Variants in ELOVL2 observed in about 807,000 individuals in gnomAD.
The protein encoded by ELOVL2 is ELOVL fatty acid elongase 2, also known as very long chain fatty acid elongase 2.
A neutral mutation model predicts 37.7 loss-of-function variants in ELOVL2; 38 were observed. The ratio of observed to expected loss-of-function variants is 1.01; its 90% CI spans 0.78 to 1.32. The LOEUF is 1.32. ELOVL2 is among the 40% of genes most tolerant of loss of function. The pLI is 0.00. For missense variants in ELOVL2, 352 were observed against 363.6 expected (o/e 0.97, Z 0.26); for synonymous variants, 115 against 122.3 (o/e 0.94, Z 0.40).
At chr6:11,042,966 G>C (rs995059671) in intron 1 of ELOVL2, among the ~76,000 whole-genome samples, 1 of 152,174 alleles carries the variant, frequency 6.6e-6, no homozygotes, top group Non-Finnish European at 1.5e-5. Context: ...TTCTGGTAGA[G>C]GAGACGTTCA....
At chr6:10,993,840 G>A (rs1361932755) in intron 5 of ELOVL2, among the ~76,000 whole-genome samples, 4 of 145,198 alleles carry the variant, frequency 2.8e-5, no homozygotes, top group Admixed American at 7.0e-5. Context: ...ACAAGTGCAC[G>A]TCACCACGCC....
In ELOVL2 at chr6:11,011,160, C is replaced by T. The variant is rs193183321; in HGVS notation, c.4-351G>A. Among the ~76,000 whole-genome samples the T allele has an allele frequency of 0.017, 2,644 of 152,028 alleles. 139 individuals are homozygous for T. In the East Asian group the frequency reaches 0.19, roughly 11 times the overall value. On this transcript the variant is annotated intron_variant, in intron 1 of 7. Transcript: ENST00000354666. ...CAGGCGGATCACGAGGTCAGGAGAT[C>T]GAGACCATCCTGGCTAACATGGTGA...
intron 4 of ELOVL2, among the ~76,000 whole-genome samples, chr6:10,998,414 A>C (rs1348646381): frequency 6.6e-6 from 1 of 152,238 alleles, no homozygotes; most frequent in Non-Finnish European, 1.5e-5. Context: ...ATGAAAGGCA[A>C]GATAAATGTT....
intron 7 of ELOVL2, among the ~76,000 whole-genome samples, chr6:10,985,687 G>C (rs547186892): frequency 6.6e-6 from 1 of 151,758 alleles, no homozygotes; most frequent in African/African-American, 2.4e-5. Context: ...TGAGGGCTCT[G>C]TTCTGTTCCA....
chr6:11,006,724 T>C (rs1225653775), intron 2 of ELOVL2, among the ~76,000 whole-genome samples: 1 of 152,204 alleles, frequency 6.6e-6, no homozygotes, highest in East Asian at 1.9e-4. Flanking sequence ...GTGATAGAGA[T>C]AAAAAGGTTA....
In ELOVL2 at chr6:10,982,478, A is replaced by G. The variant is rs1422211458; in HGVS notation, c.*1303T>C. On this transcript the variant is annotated 3_prime_UTR_variant, in exon 8 of 8. Transcript: ENST00000354666. ...ACAAGTTTTATTTTATAGGGTATAA[A>G]TTAATCTTCAAAAAAATCTTCAGAA... The G allele has an allele frequency of 6.6e-6, 1 of 152,208 alleles. No individual in the cohort carries two copies. The highest frequency in any genetic ancestry group is 2.4e-5 in the African/African-American group (1 of 41,448). The allele number at this position is 152,208 out of a possible 1,614,324, so 9.4% of individuals were successfully genotyped here.
At chr6:11,019,991 G>C (rs1704658040) in intron 1 of ELOVL2, among the ~76,000 whole-genome samples, 1 of 152,156 alleles carries the variant, frequency 6.6e-6, no homozygotes, top group Non-Finnish European at 1.5e-5. Flanking sequence ...TGATCCACCT[G>C]CCTTGGCCTC....
At chr6:11,001,786 C>T (rs974022185) in intron 3 of ELOVL2, among the ~76,000 whole-genome samples, 2 of 152,160 alleles carry the variant, frequency 1.3e-5, no homozygotes, top group Admixed American at 6.5e-5. Context: ...TTCTTAATCC[C>T]CTTACTGGTG....
intron 3 of ELOVL2, among the ~76,000 whole-genome samples, chr6:11,001,372 T>G (rs1561717676): frequency 6.6e-6 from 1 of 152,192 alleles, no homozygotes; most frequent in Non-Finnish European, 1.5e-5. Flanking sequence ...ATCAGGTCAT[T>G]TCCCAGTATC....
chr6:11,006,684 C>T (rs1396798057), intron 2 of ELOVL2, among the ~76,000 whole-genome samples: 5 of 152,196 alleles, frequency 3.3e-5, no homozygotes, highest in Admixed American at 2.0e-4. Context: ...CTGACTGTCC[C>T]ATCACTTATT....
intron 3 of ELOVL2, among the ~76,000 whole-genome samples, chr6:11,003,070 C>T (rs538804208): frequency 3.9e-5 from 6 of 152,326 alleles, no homozygotes; most frequent in Admixed American, 3.9e-4. Context: ...CACCAAAGCT[C>T]CACCCAAACA....
At chr6:11,029,057 C>CAAAAAAAAAAA in intron 1 of ELOVL2, among the ~76,000 whole-genome samples, 1 of 83,558 alleles carries the variant, frequency 1.2e-5, no homozygotes, top group Non-Finnish European at 2.5e-5. Context: ...TTTGTCTCTA[C>CAAAAAAAAAAA]AAAAAAAAAA....
intron 1 of ELOVL2, among the ~76,000 whole-genome samples, chr6:11,033,528 T>A (rs1782963461): frequency 2.0e-5 from 3 of 152,216 alleles, no homozygotes; most frequent in Admixed American, 2.0e-4. Context: ...AGGTTTAATC[T>A]GATTATGTAG....
chr6:10,993,586 T>G (rs1452402324), intron 5 of ELOVL2, among the ~76,000 whole-genome samples: 3 of 152,220 alleles, frequency 2.0e-5, no homozygotes, highest in Non-Finnish European at 4.4e-5. Flanking sequence ...AGCAAACAAC[T>G]GGTTGGAATT....
In ELOVL2 at chr6:10,981,821, G is replaced by A. The variant is rs931905062; in HGVS notation, c.*1960C>T. ...CTCATTTTTATCTGGAACGCACTTT[G>A]GTAAGAGATTTCAGCCTATATTTGA... On this transcript the variant is annotated 3_prime_UTR_variant, in exon 8 of 8. Coordinates refer to ENST00000354666, the MANE Select transcript of ELOVL2 (RefSeq NM_017770.4). The A allele has an allele frequency of 2.6e-5, 4 of 152,114 alleles. No individual in the cohort carries two copies. The highest frequency in any genetic ancestry group is 2.6e-4 in the Admixed American group (4 of 15,268). 9.4% of individuals were successfully genotyped at this position (152,114 alleles called of 1,614,324 possible). A position where few individuals can be genotyped will look rare whatever the true frequency, so the allele number is the denominator to read the frequency against.
intron 1 of ELOVL2, among the ~76,000 whole-genome samples, chr6:11,041,913 T>C (rs1393047181): frequency 2.0e-5 from 3 of 152,334 alleles, no homozygotes; most frequent in African/African-American, 4.8e-5. Context: ...ACAGTTCATA[T>C]TGGACATGTA....
Position 11,044,205 on chromosome 6 carries a change from T to A in ELOVL2, c.3+23A>T. 1 of 1,448,904 alleles carries A rather than the reference T, an allele frequency of 6.9e-7. No homozygotes were observed. Among genetic ancestry groups the A allele is most frequent in the South Asian group, 1.4e-5 (1 of 72,030 alleles). The allele number at this position is 1,448,904 out of a possible 1,614,324, so 89.8% of individuals were successfully genotyped here. A position where few individuals can be genotyped will look rare whatever the true frequency, so the allele number is the denominator to read the frequency against. ...GAGAAAGAAAGCGCGGCGGTGTCGG[T>A]GGCGGCGCGCGGCCCCACTCACCAT... is the stretch of plus-strand genomic sequence containing the variant. On this transcript the variant is annotated intron_variant, in intron 1 of 7. Coordinates refer to ENST00000354666, the MANE Select transcript of ELOVL2 (RefSeq NM_017770.4). The surrounding 1 kb of genome is among the most constrained non-coding windows in gnomAD (Gnocchi z 5.6).
intron 1 of ELOVL2, among the ~76,000 whole-genome samples, chr6:11,041,553 A>T (rs994329305): frequency 6.6e-6 from 1 of 152,320 alleles, no homozygotes; most frequent in South Asian, 2.1e-4. Context: ...CTACAAATAG[A>T]AACTTAAGTC....
chr6:11,030,587 G>A (rs1280253978), intron 1 of ELOVL2, among the ~76,000 whole-genome samples: 1 of 152,010 alleles, frequency 6.6e-6, no homozygotes, highest in Non-Finnish European at 1.5e-5. Flanking sequence ...TGCCTCCTGG[G>A]TTCATGCCAT....
Sources: allele counts gnomAD v4.1 joint callset (sites outside exome capture counted in the v4.1 genomes callset), GRCh38; gene constraint gnomAD v4.1.1; non-coding constraint Gnocchi (gnomAD v3.1); transcripts MANE v1.5; gene names NCBI Gene and HGNC (gene_info 2026-07-23, HGNC 2026-07-21).